The following ZMYM2 variants were observed in gnomAD, a reference collection of about 807,000 sequenced individuals.
ZMYM2 encodes the protein zinc finger MYM-type protein 2.
ZMYM2 carries 56 observed loss-of-function variants against 162.8 expected under a neutral mutation model. The observed-to-expected ratio is 0.34, with a 90% confidence interval of 0.28 to 0.43. ZMYM2 has a LOEUF of 0.43. Ranked by LOEUF, ZMYM2 falls within the 20% of genes least tolerant of loss-of-function variation. The pLI is 1.00. For missense variants in ZMYM2, 1,275 were observed against 1,621.8 expected (o/e 0.79, Z 3.67); for synonymous variants, 510 against 541.6 (o/e 0.94, Z 0.81).
chr13:20,061,601 T>G (rs145550799), intron 17 of ZMYM2, among the ~76,000 whole-genome samples: 1,829 of 152,080 alleles, frequency 0.012, 18 homozygotes, highest in African/African-American at 0.032. Context: ...GTTTTGTTTT[T>G]TTTTTTAGAT....
At chr13:19,989,917 C>T (rs1949473874) in intron 2 of ZMYM2, among the ~76,000 whole-genome samples, 2 of 152,042 alleles carry the variant, frequency 1.3e-5, no homozygotes, top group Admixed American at 6.6e-5. Context: ...TTTTAAAATA[C>T]CCTAATCTGT....
the ZMYM2 span, among the ~76,000 whole-genome samples, chr13:19,880,136 G>T: frequency 7.3e-4 from 111 of 152,186 alleles, 1 homozygote; most frequent in Admixed American, 3.3e-3. Context: ...AGCTTTCCTA[G>T]TTCCCCAGCT....
chr13:20,033,659 G>C (rs910218053), intron 10 of ZMYM2, among the ~76,000 whole-genome samples: 1 of 152,192 alleles, frequency 6.6e-6, no homozygotes, highest in Admixed American at 6.5e-5. Context: ...ATACCTGCTT[G>C]GGTTAATATT....
At position 20,048,549 on chromosome 13, in the gene ZMYM2, C is replaced by T. The variant is rs1158949179; in HGVS notation, c.2293-2884C>T. Among the ~76,000 whole-genome samples, 3 of 151,822 alleles carry T rather than the reference C, an allele frequency of 2.0e-5. No individual in the cohort carries two copies. The East Asian group carries it at 5.8e-4, about 29-fold the overall frequency. On this transcript the variant is annotated intron_variant, in intron 12 of 24. Coordinates refer to ENST00000610343, the MANE Select transcript of ZMYM2 (RefSeq NM_197968.4). The stretch of plus-strand genomic sequence containing the variant: ...CCCTATCTTTTTCGTATTCATGGTT[C>T]TCCCCTGGAAAATTAGGTTTGTTTG...
the ZMYM2 span, among the ~76,000 whole-genome samples, chr13:19,881,531 A>G: frequency 6.6e-6 from 1 of 152,080 alleles, no homozygotes; most frequent in Non-Finnish European, 1.5e-5. Context: ...CTGAGGTGGC[A>G]GAATTCCTTG....
the ZMYM2 span, among the ~76,000 whole-genome samples, chr13:19,884,011 A>C: frequency 1.3e-5 from 2 of 152,026 alleles, no homozygotes; most frequent in African/African-American, 4.8e-5. Flanking sequence ...GCCCGGTTTG[A>C]CCTCCAAAAG....
rs1359592105 is a variant in ZMYM2, at chr13:19,971,270, T to A, written c.-11+11244T>A. 4.8e-3 allele frequency among the ~76,000 whole-genome samples: 431 copies of A among 89,270 alleles called. 1 individual carries two copies. The highest frequency in any genetic ancestry group is 7.2e-3 in the African/African-American group (209 of 29,088). The allele number at this position is 89,270 out of a possible 152,430, so 58.6% of individuals were successfully genotyped here. A position where few individuals can be genotyped will look rare whatever the true frequency, so the allele number is the denominator to read the frequency against. Reference sequence around the variant, plus strand: ...TATATATATATATATATATTTTTTTTTTTTTTTTTTTTTCCTTGAGATGGA... The same window carrying A: ...TATATATATATATATATATTTTTTTATTTTTTTTTTTTTCCTTGAGATGGA... On this transcript the variant is annotated intron_variant, in intron 2 of 24. Transcript: ENST00000610343.
chr13:19,879,494 C>G, the ZMYM2 span, among the ~76,000 whole-genome samples: 1 of 152,166 alleles, frequency 6.6e-6, no homozygotes, highest in African/African-American at 2.4e-5. Context: ...GCTCTCTATT[C>G]TGTTCCATTG....
the ZMYM2 span, among the ~76,000 whole-genome samples, chr13:19,877,601 A>T: frequency 6.6e-6 from 1 of 152,216 alleles, no homozygotes; most frequent in Non-Finnish European, 1.5e-5. Context: ...GTTTTGGTGG[A>T]GACAATATCC....
At chr13:19,994,085 C>T (rs1377340395) in intron 3 of ZMYM2, among the ~76,000 whole-genome samples, 166 bp downstream of exon 3, 1 of 152,134 alleles carries the variant, frequency 6.6e-6, no homozygotes, top group Non-Finnish European at 1.5e-5. Flanking sequence ...AATTGTAAAA[C>T]CATGTATAGT....
At chr13:19,984,772 A>AG (rs1949000611) in intron 2 of ZMYM2, among the ~76,000 whole-genome samples, 1 of 152,234 alleles carries the variant, frequency 6.6e-6, no homozygotes, top group Non-Finnish European at 1.5e-5. Flanking sequence ...TAGCTGTCAT[A>AG]GTTGAATGGT....
chr13:19,895,578 G>T, the ZMYM2 span, among the ~76,000 whole-genome samples: 2 of 151,730 alleles, frequency 1.3e-5, no homozygotes, highest in Admixed American at 6.6e-5. Flanking sequence ...TTATAAAGCT[G>T]CCAGTTCCCT....
intron 2 of ZMYM2, among the ~76,000 whole-genome samples, chr13:19,978,423 G>A (rs1026761288): frequency 2.0e-5 from 3 of 147,144 alleles, no homozygotes; most frequent in Admixed American, 2.0e-4. Context: ...TGTTTTTTGG[G>A]TTTTTTTTTT....
At chr13:19,936,030 A>G in the ZMYM2 span, among the ~76,000 whole-genome samples, 11 of 152,214 alleles carry the variant, frequency 7.2e-5, no homozygotes, top group African/African-American at 2.7e-4. Context: ...CATGACTTGC[A>G]CTTGTTAGCT....
chr13:20,075,476 C>T (rs1463742556), intron 21 of ZMYM2, among the ~76,000 whole-genome samples: 1 of 152,040 alleles, frequency 6.6e-6, no homozygotes, highest in African/African-American at 2.4e-5. Flanking sequence ...CTTTCCTCCA[C>T]TGATTTTGTA....
intron 6 of ZMYM2, among the ~76,000 whole-genome samples, chr13:20,013,305 G>A (rs1951348912): frequency 6.6e-6 from 1 of 152,148 alleles, no homozygotes; most frequent in African/African-American, 2.4e-5. Context: ...CATTGATCAT[G>A]TACTGTGCAA....
intron 12 of ZMYM2, 53 bp downstream of exon 12, chr13:20,036,962 G>A: frequency 6.8e-7 from 1 of 1,478,316 alleles, no homozygotes; most frequent in East Asian, 2.4e-5. Context: ...AAAAAACGTT[G>A]TAGCTGTTAC....
chr13:19,928,001 T>C, the ZMYM2 span, among the ~76,000 whole-genome samples: 2 of 152,062 alleles, frequency 1.3e-5, no homozygotes, highest in African/African-American at 2.4e-5. Flanking sequence ...CTTTTTCTTA[T>C]TTATTTATTT....
the ZMYM2 span, chr13:19,864,053 G>A: frequency 1.4e-3 from 220 of 152,604 alleles, 7 homozygotes; most frequent in South Asian, 0.038. Flanking sequence ...GAGCCCGGGG[G>A]CCCAAGCTGC....
Sources: gnomAD v4.1 joint callset for allele counts (sites outside exome capture counted in the v4.1 genomes callset) on GRCh38, gnomAD v4.1.1 for gene constraint, MANE v1.5 for transcripts, NCBI Gene and HGNC (gene_info 2026-07-23, HGNC 2026-07-21) for gene names.